PAX7: variants seen among roughly 807,000 people sequenced by gnomAD.
The protein encoded by PAX7 is paired box 7.
A neutral mutation model predicts 50.7 loss-of-function variants in PAX7; 18 were observed. The ratio of observed to expected loss-of-function variants is 0.36; its 90% CI spans 0.25 to 0.53. The LOEUF (loss-of-function observed/expected upper bound fraction) is 0.53. Among genes scored for constraint, PAX7 ranks in the 20% least tolerant of loss-of-function variants. The probability of loss-of-function intolerance (pLI) is 0.93; values close to 1 mark genes in which losing one functional copy is unlikely to be tolerated. For synonymous variants in PAX7, 310 were observed against 290.4 expected (o/e 1.07, Z -0.69); for missense variants, 644 against 702.9 (o/e 0.92, Z 0.95).
intron 8 of PAX7, among the ~76,000 whole-genome samples, chr1:18,741,942 T>C (rs1282196728): frequency 2.6e-5 from 4 of 152,162 alleles, no homozygotes; most frequent in African/African-American, 9.6e-5. Context: ...AACTGTGTGA[T>C]CTTTGAAGTG....
rs2789321 is a variant in PAX7 at position 18,719,696 on chromosome 1, G to A, written c.1156-15936G>A. ...TGGGCATAGATAATGACCTCTGCTG[G>A]CCCTGGAACTCCATAGCATCCTTCC... On this transcript the variant is annotated intron_variant, in intron 7 of 8. Transcript: ENST00000420770. 1.4e-3 allele frequency among the ~76,000 whole-genome samples: 219 copies of A among 152,322 alleles called. 1 individual carries two copies. The highest frequency in any genetic ancestry group is 5.0e-3 in the African/African-American group (206 of 41,572).
At position 18,631,788 on chromosome 1, in the gene PAX7, T is replaced by C. The variant is rs2088053408; in HGVS notation, c.85+100T>C. ...CAGGGGACGGTGGCGGCGCCGGCGA[T>C]AGCAGAGGGATCCCGTTCTCTTCTG... On this transcript the variant is annotated intron_variant, in intron 1 of 8. Coordinates refer to ENST00000420770, the MANE Select transcript of PAX7 (RefSeq NM_001135254.2). 5 of 946,318 alleles carry C rather than the reference T, an allele frequency of 5.3e-6. No homozygotes were observed. The South Asian group carries it at 5.7e-5, about 11-fold the overall frequency. The allele number at this position is 946,318 out of a possible 1,614,324, so 58.6% of individuals were successfully genotyped here.
chr1:18,709,457 G>C (rs576096340), intron 7 of PAX7, among the ~76,000 whole-genome samples: 1 of 152,118 alleles, frequency 6.6e-6, no homozygotes, highest in African/African-American at 2.4e-5. Flanking sequence ...CCACGATCAC[G>C]GCCAACCAGC....
rs560970853 is a variant in PAX7, at chr1:18,746,618, C to A, written c.*1689C>A. 2.6e-5 allele frequency: 6 copies of A among 231,234 alleles called. No individual in the cohort carries two copies. The Admixed American group carries it at 3.4e-4, about 13-fold the overall frequency. 14.3% of individuals were successfully genotyped at this position (231,234 alleles called of 1,614,324 possible). ...ATTGGACCAAACTGTTTGTCCCCAT[C>A]TGGGTTCATGAGGCCACCTCTTTGC... is the stretch of plus-strand genomic sequence containing the variant. On this transcript the variant is annotated 3_prime_UTR_variant, in exon 9 of 9. Coordinates refer to ENST00000420770, the MANE Select transcript of PAX7 (RefSeq NM_001135254.2).
chr1:18,632,011 C>A lies in PAX7; in HGVS notation c.85+323C>A, dbSNP rs2088063383. ...GAATTTCAGCTCTTTCCACTATTTC[C>A]AGACACTTCTTCCCTGACAGTTTCT... On this transcript the variant is annotated intron_variant, in intron 1 of 8. Coordinates refer to ENST00000420770, the MANE Select transcript of PAX7 (RefSeq NM_001135254.2). This position sits in a 1 kb window ranked among gnomAD's most constrained non-coding sequence, Gnocchi z 6.3. 6.6e-6 allele frequency among the ~76,000 whole-genome samples: 1 copy of A among 152,124 alleles called. No individual in the cohort carries two copies. The highest frequency in any genetic ancestry group is 2.4e-5 in the African/African-American group (1 of 41,412).
intron 4 of PAX7, among the ~76,000 whole-genome samples, chr1:18,655,001 C>T (rs956522457): frequency 1.3e-5 from 2 of 152,204 alleles, no homozygotes; most frequent in African/African-American, 2.4e-5. Context: ...GCCTACAATG[C>T]CACCGTGATA....
chr1:18,658,284 T>C (rs1160203831), intron 4 of PAX7, among the ~76,000 whole-genome samples: 9 of 149,336 alleles, frequency 6.0e-5, no homozygotes, highest in Non-Finnish European at 1.3e-4. Context: ...GAGCCATATG[T>C]TACTGAGCCC....
At chr1:18,701,456 A>C (rs2743199) in intron 6 of PAX7, among the ~76,000 whole-genome samples, 38 of 151,092 alleles carry the variant, frequency 2.5e-4, no homozygotes, top group African/African-American at 8.5e-4. Context: ...GAGTGTGTGC[A>C]TGTGCACGTG....
Position 18,631,687 on chromosome 1 carries a change from A to G in PAX7, c.84A>G (p.Glu28=). The G allele has an allele frequency of 6.2e-7, 1 of 1,611,442 alleles. No homozygotes were observed. Among genetic ancestry groups the G allele is most frequent in the Non-Finnish European group, 8.5e-7 (1 of 1,179,136 alleles). Residue 28 remains glutamate (E), a splice_region_variant and synonymous_variant, in exon 1 of 9, where the codon GAA becomes GAG. Transcript: ENST00000420770. ...ACCCCCGCACGGGATTCCCTTTGGA[A>G]GGTAAGAACGCCCAGGCTGGCCTCG... ...QNYPRTGFPL[E]VSTPLGQGRV...
At chr1:18,686,834 C>G (rs972112687) in intron 4 of PAX7, among the ~76,000 whole-genome samples, 1 of 151,994 alleles carries the variant, frequency 6.6e-6, no homozygotes, top group Non-Finnish European at 1.5e-5. Flanking sequence ...ATAGTAATAG[C>G]CTTCATGGGT....
At chr1:18,678,537 C>G (rs2088855687) in intron 4 of PAX7, among the ~76,000 whole-genome samples, 1 of 152,176 alleles carries the variant, frequency 6.6e-6, no homozygotes, top group Non-Finnish European at 1.5e-5. Context: ...TGTAAAGGCA[C>G]CATCTCTACC....
rs537871637 is a variant in PAX7, at chr1:18,631,294, C to A, written c.-310C>A. Reference sequence around the variant, plus strand: ...CTGCCAGGCGCATCAGCCCGCACAACTTCTGGCCGAGGCCAGCCGGCAGAG... The same window carrying A: ...CTGCCAGGCGCATCAGCCCGCACAAATTCTGGCCGAGGCCAGCCGGCAGAG... On this transcript the variant is annotated 5_prime_UTR_variant, in exon 1 of 9. Coordinates refer to ENST00000420770, the MANE Select transcript of PAX7 (RefSeq NM_001135254.2). 2.3e-5 allele frequency: 7 copies of A among 301,950 alleles called. No individual in the cohort carries two copies. The highest frequency in any genetic ancestry group is 1.8e-4 in the South Asian group (2 of 11,428). 18.7% of individuals were successfully genotyped at this position (301,950 alleles called of 1,614,324 possible).
chr1:18,663,951 G>A (rs1441039379), intron 4 of PAX7, among the ~76,000 whole-genome samples: 1 of 152,228 alleles, frequency 6.6e-6, no homozygotes, highest in African/African-American at 2.4e-5. Flanking sequence ...CTCCCAGTGA[G>A]AAAGCACAGA....
At position 18,728,047 on chromosome 1, in the gene PAX7, G is replaced by A. The variant is rs1213679747; in HGVS notation, c.1156-7585G>A. On this transcript the variant is annotated intron_variant, in intron 7 of 8. Coordinates refer to ENST00000420770, the MANE Select transcript of PAX7 (RefSeq NM_001135254.2). ...TGAGGGTGGGCAGCTGCCCGGGTGG[G>A]TAATTTCTGGCTTGCACTAATCCCA... Among the ~76,000 whole-genome samples the A allele has an allele frequency of 3.3e-5, 5 of 152,290 alleles. No individual in the cohort carries two copies. In the East Asian group the frequency reaches 9.7e-4, roughly 29 times the overall value.
At position 18,658,282 on chromosome 1, in the gene PAX7, T is replaced by C. The variant is rs375136898; in HGVS notation, c.586+21911T>C. ...CCCCCACAAAGGTCCTGGAGCCATATGTTACTGAGCCCATCCTGGCTGTGT... is the reference window on the plus strand; with the variant it reads ...CCCCCACAAAGGTCCTGGAGCCATACGTTACTGAGCCCATCCTGGCTGTGT... On this transcript the variant is annotated intron_variant, in intron 4 of 8. Coordinates refer to ENST00000420770, the MANE Select transcript of PAX7 (RefSeq NM_001135254.2). 1.5e-3 allele frequency among the ~76,000 whole-genome samples: 214 copies of C among 145,294 alleles called. 1 individual carries two copies. Among genetic ancestry groups the C allele is most frequent in the South Asian group, 0.011 (47 of 4,152 alleles).
At chr1:18,699,767 T>C (rs950261571) in intron 5 of PAX7, among the ~76,000 whole-genome samples, 2 of 152,050 alleles carry the variant, frequency 1.3e-5, no homozygotes, top group African/African-American at 4.8e-5. Flanking sequence ...TTCACCTTAT[T>C]AGCCAGGATG....
rs1340967502 is a variant in PAX7 at position 18,744,896 on chromosome 1, A to G, written c.1485A>G (p.Gly495=). 3.9e-6 allele frequency: 6 copies of G among 1,554,228 alleles called. No homozygotes were observed. The highest frequency in any genetic ancestry group is 1.4e-5 in the African/African-American group (1 of 73,046). Residue 495 remains glycine (G), a synonymous_variant, in exon 9 of 9, where the codon GGA becomes GGG. Coordinates refer to ENST00000420770, the MANE Select transcript of PAX7 (RefSeq NM_001135254.2). ...TCGGGGAGCACTCTGCTGTGCTGGG[A>G]CTCCTGCCTGTGGAAACTGGCCAGG... is the stretch of plus-strand genomic sequence containing the variant. ...MKLGEHSAVL[G]LLPVETGQAY
At chr1:18,734,207 G>A (rs1446799108) in intron 7 of PAX7, among the ~76,000 whole-genome samples, 1 of 152,158 alleles carries the variant, frequency 6.6e-6, no homozygotes, top group Admixed American at 6.5e-5. Flanking sequence ...TGTAAGGGGA[G>A]TCAGGGAACT....
chr1:18,705,244 T>C (rs139786085), intron 7 of PAX7, among the ~76,000 whole-genome samples: 161 of 152,338 alleles, frequency 1.1e-3, no homozygotes, highest in African/African-American at 3.6e-3. Context: ...TTCAAGGTCA[T>C]GGCCTCCATC....
Sources: allele counts gnomAD v4.1 joint callset (sites outside exome capture counted in the v4.1 genomes callset), GRCh38; gene constraint gnomAD v4.1.1; non-coding constraint Gnocchi (gnomAD v3.1); transcripts MANE v1.5; gene names NCBI Gene and HGNC (gene_info 2026-07-23, HGNC 2026-07-21).